POU6F2: variants seen among roughly 807,000 people sequenced by gnomAD.
POU6F2 encodes POU class 6 homeobox 2.
In POU6F2, 31 loss-of-function variants were observed where a neutral mutation model predicts 71.3. The ratio of observed to expected loss-of-function variants is 0.43; its 90% CI spans 0.33 to 0.59. The LOEUF (loss-of-function observed/expected upper bound fraction) is 0.59, where lower values mean the gene tolerates loss of function less well. POU6F2 is among the 20% of genes least tolerant of loss of function. POU6F2 has a pLI of 0.04. For missense variants in POU6F2, 783 were observed against 856.8 expected (o/e 0.91, Z 1.07); for synonymous variants, 347 against 355.7 (o/e 0.98, Z 0.27).
chr7:39,016,151 A>T (rs1327904664), intron 1 of POU6F2, among the ~76,000 whole-genome samples: 13 of 106,936 alleles, frequency 1.2e-4, no homozygotes, highest in Non-Finnish European at 2.2e-4. Context: ...TCTATATTAT[A>T]TATAGATATA....
intron 1 of POU6F2, among the ~76,000 whole-genome samples, chr7:39,037,558 A>G (rs1266609214): frequency 1.3e-5 from 2 of 151,974 alleles, no homozygotes; most frequent in African/African-American, 2.4e-5. Context: ...ATTCTGAGAA[A>G]AATCTCACTT....
chr7:39,399,691 A>C lies in POU6F2; in HGVS notation c.973-6909A>C, dbSNP rs147580320. 4.2e-3 allele frequency among the ~76,000 whole-genome samples: 636 copies of C among 152,154 alleles called. 9 individuals are homozygous for C. Among genetic ancestry groups the C allele is most frequent in the East Asian group, 0.031 (160 of 5,158 alleles). ...CAATGCAGCAAGACCCTATGGCTACAAAATCAGAAAAAGGCAGGAGAGGTG... is the reference window on the plus strand; with the variant it reads ...CAATGCAGCAAGACCCTATGGCTACCAAATCAGAAAAAGGCAGGAGAGGTG... On this transcript the variant is annotated intron_variant, in intron 5 of 9. Coordinates refer to ENST00000518318, the MANE Select transcript of POU6F2 (RefSeq NM_001370959.1).
At chr7:39,087,155 AATTAATTTATTTATTTATTTATTT>A (rs1466049827) in intron 2 of POU6F2, among the ~76,000 whole-genome samples, 49 of 52,288 alleles carry the variant, frequency 9.4e-4, no homozygotes, top group Non-Finnish European at 1.5e-3. Flanking sequence ...TTAATTAATT[AATTAATTTATTTATTTATTTATTT>A]ATTTATTTAT....
intron 2 of POU6F2, among the ~76,000 whole-genome samples, chr7:39,190,104 C>T (rs1471185156): frequency 6.6e-6 from 1 of 151,674 alleles, no homozygotes; most frequent in Admixed American, 6.6e-5. Flanking sequence ...CCATGTTGTC[C>T]AGGCTGGTCT....
intron 1 of POU6F2, among the ~76,000 whole-genome samples, chr7:39,060,207 C>CA (rs879331093): frequency 0.013 from 1,652 of 129,262 alleles, 8 homozygotes; most frequent in Non-Finnish European, 0.016. Flanking sequence ...AATTCCGTCT[C>CA]AAAAAAAAAA....
intron 1 of POU6F2, among the ~76,000 whole-genome samples, chr7:39,009,148 C>T (rs1487896284): frequency 1.3e-5 from 2 of 151,676 alleles, no homozygotes; most frequent in Admixed American, 6.6e-5. Flanking sequence ...ATTCTTCCTA[C>T]CCATGAGCAT....
At chr7:39,293,034 A>T (rs1262936408) in intron 4 of POU6F2, among the ~76,000 whole-genome samples, 1 of 152,128 alleles carries the variant, frequency 6.6e-6, no homozygotes, top group African/African-American at 2.4e-5. Context: ...CAGGCAAATA[A>T]AAAGAACCTA....
intron 4 of POU6F2, among the ~76,000 whole-genome samples, chr7:39,271,494 GAAAAAAAA>G (rs36038013): frequency 7.3e-6 from 1 of 136,752 alleles, no homozygotes; most frequent in African/African-American, 2.8e-5. Flanking sequence ...CTCAATCAGT[GAAAAAAAA>G]AAAAAAAAAA....
chr7:39,340,778 T>C (rs1280996064), intron 5 of POU6F2, among the ~76,000 whole-genome samples: 4 of 31,908 alleles, frequency 1.3e-4, no homozygotes, highest in African/African-American at 5.2e-4. Context: ...TATATATGAC[T>C]TTAAACTTCA....
At chr7:39,336,810 A>G (rs768555388) in intron 4 of POU6F2, among the ~76,000 whole-genome samples, 2 of 152,236 alleles carry the variant, frequency 1.3e-5, no homozygotes, top group Admixed American at 6.5e-5. Flanking sequence ...GATGCTGACT[A>G]GAGTGCTTAT....
At chr7:39,218,265 G>A (rs74530714) in intron 4 of POU6F2, among the ~76,000 whole-genome samples, 7,319 of 152,218 alleles carry the variant, frequency 0.048, 255 homozygotes, top group Middle Eastern at 0.095. Context: ...TGGATGGAAG[G>A]GAAGCAGGTT....
At chr7:39,077,677 T>C (rs1385747858) in intron 1 of POU6F2, among the ~76,000 whole-genome samples, 1 of 152,172 alleles carries the variant, frequency 6.6e-6, no homozygotes, top group African/African-American at 2.4e-5. Context: ...AAACTGCCCA[T>C]ATGTGCACAC....
chr7:39,128,608 A>G (rs554462772), intron 2 of POU6F2, among the ~76,000 whole-genome samples: 1 of 152,342 alleles, frequency 6.6e-6, no homozygotes, highest in East Asian at 1.9e-4. Flanking sequence ...GTCAGTCTTT[A>G]CAGAAAAGTC....
intron 2 of POU6F2, among the ~76,000 whole-genome samples, chr7:39,137,339 G>T (rs777477444): frequency 6.6e-6 from 1 of 152,010 alleles, no homozygotes; most frequent in East Asian, 1.9e-4. Context: ...TAAATGGTAA[G>T]CAACAAGGGA....
intron 2 of POU6F2, among the ~76,000 whole-genome samples, chr7:39,154,699 G>A (rs1792831186): frequency 1.3e-5 from 2 of 152,028 alleles, no homozygotes; most frequent in Admixed American, 1.3e-4. Flanking sequence ...CTCTGTGGGT[G>A]AGGGTGGGGC....
At chr7:39,452,407 T>G (rs1336262243) in intron 8 of POU6F2, among the ~76,000 whole-genome samples, 1 of 152,238 alleles carries the variant, frequency 6.6e-6, no homozygotes, top group Non-Finnish European at 1.5e-5. Context: ...TGGTCTGATT[T>G]AATGTCAGTC....
intron 2 of POU6F2, among the ~76,000 whole-genome samples, chr7:39,195,193 A>G (rs1793760723): frequency 6.6e-6 from 1 of 152,132 alleles, no homozygotes; most frequent in South Asian, 2.1e-4. Flanking sequence ...GTGAAATCTC[A>G]AAATCTGGGC....
chr7:39,172,310 C>T (rs1374606742), intron 2 of POU6F2, among the ~76,000 whole-genome samples: 1 of 152,256 alleles, frequency 6.6e-6, no homozygotes, highest in African/African-American at 2.4e-5. Context: ...ATTTACATAA[C>T]CATTTCCTCC....
At chr7:39,315,397 A>G (rs1785244025) in intron 4 of POU6F2, among the ~76,000 whole-genome samples, 1 of 152,190 alleles carries the variant, frequency 6.6e-6, no homozygotes. Context: ...TGCAAGGGTT[A>G]GAGGAGGTGT....
Sources: gnomAD v4.1 joint callset for allele counts (sites outside exome capture counted in the v4.1 genomes callset) on GRCh38, gnomAD v4.1.1 for gene constraint, MANE v1.5 for transcripts, NCBI Gene and HGNC (gene_info 2026-07-23, HGNC 2026-07-21) for gene names.